GGA2: variants seen among roughly 807,000 people sequenced by gnomAD.
GGA2 encodes the protein ADP-ribosylation factor-binding protein GGA2.
In GGA2, 48 loss-of-function variants were observed where a neutral mutation model predicts 79.5. The observed-to-expected ratio is 0.60, with a 90% CI of 0.48 to 0.77. The LOEUF (loss-of-function observed/expected upper bound fraction) is 0.77. Among genes scored for constraint, GGA2 ranks in the 30% least tolerant of loss-of-function variants. The pLI, the probability that GGA2 is intolerant of heterozygous loss-of-function variation, is 0.00. For synonymous variants in GGA2, 317 were observed against 302.0 expected (o/e 1.05, Z -0.51); for missense variants, 770 against 774.0 (o/e 0.99, Z 0.06).
chr16:23,484,511 G>T (rs1248924964), intron 8 of GGA2, among the ~76,000 whole-genome samples: 1 of 152,098 alleles, frequency 6.6e-6, no homozygotes. Flanking sequence ...GTCTGATAAG[G>T]AACCTGTATC....
At chr16:23,515,918 C>A (rs533901064) in intron 2 of GGA2, among the ~76,000 whole-genome samples, 73 of 152,054 alleles carry the variant, frequency 4.8e-4, no homozygotes, top group Non-Finnish European at 9.1e-4. Context: ...AGGTCACTTG[C>A]AGCCTCCAAC....
chr16:23,497,802 C>G (rs1047940476), intron 1 of GGA2, among the ~76,000 whole-genome samples: 1 of 152,180 alleles, frequency 6.6e-6, no homozygotes, highest in Non-Finnish European at 1.5e-5. Context: ...GTCACATGTA[C>G]TTGGACTCGC....
At chr16:23,492,938 G>C (rs1029677085) in intron 4 of GGA2, among the ~76,000 whole-genome samples, 1 of 152,198 alleles carries the variant, frequency 6.6e-6, no homozygotes, top group African/African-American at 2.4e-5. Context: ...GCACTGTTGT[G>C]GGAACACAAC....
chr16:23,482,845 G>T, intron 9 of GGA2, 78 bp downstream of exon 9: 1 of 886,332 alleles, frequency 1.1e-6, no homozygotes, highest in Non-Finnish European at 1.9e-6. Flanking sequence ...TCTTGTTCCT[G>T]GCACAGCAGT....
chr16:23,471,243 C>A (rs1039138228), intron 14 of GGA2, among the ~76,000 whole-genome samples: 3 of 152,062 alleles, frequency 2.0e-5, no homozygotes, highest in Non-Finnish European at 4.4e-5. Context: ...CAATATACCA[C>A]CTTATATTTA....
At chr16:23,509,857 A>C (rs1010898858) in intron 1 of GGA2, among the ~76,000 whole-genome samples, 2 of 151,804 alleles carry the variant, frequency 1.3e-5, no homozygotes, top group African/African-American at 4.8e-5. Flanking sequence ...GTAGCCAGAT[A>C]GAGATCTTTC....
chr16:23,501,857 G>A (rs1964925325), intron 1 of GGA2, among the ~76,000 whole-genome samples: 1 of 152,160 alleles, frequency 6.6e-6, no homozygotes, highest in African/African-American at 2.4e-5. Context: ...TGGGTGCCAG[G>A]TGCTTTCTGC....
At chr16:23,475,900 A>G (rs983529909) in intron 13 of GGA2, among the ~76,000 whole-genome samples, 1 of 151,848 alleles carries the variant, frequency 6.6e-6, no homozygotes, top group Non-Finnish European at 1.5e-5. Flanking sequence ...ACTGCACTCC[A>G]GCCTGGGCAA....
chr16:23,470,229 G>C (rs1034758293), intron 14 of GGA2, 64 bp from the exon 15 acceptor site: 1 of 1,275,022 alleles, frequency 7.8e-7, no homozygotes, highest in Non-Finnish European at 1.1e-6. Flanking sequence ...AGCCAGGCTG[G>C]AAAGAGATGT....
At position 23,491,718 on chromosome 16, in the gene GGA2, T is replaced by C; in HGVS notation, c.434A>G (p.Asp145Gly). The stretch of plus-strand genomic sequence containing the variant: ...CTGATAAGCGTCTCGAATCTTGATG[T>C]CTTCCGGAAACCAGACTGTCCAACT... ...LFSWTVWFPE[D>G]IKIRDAYQML... Residue 145 changes from aspartate (D) to glycine (G), a missense_variant, in exon 5 of 17, where the codon GAC becomes GGC. Asp to Gly is a moderately conservative substitution (Grantham distance 94, BLOSUM62 -1). Transcript: ENST00000309859. The C allele has an allele frequency of 2.5e-6, 4 of 1,613,052 alleles. No individual in the cohort carries two copies. Among genetic ancestry groups the C allele is most frequent in the Non-Finnish European group, 3.4e-6 (4 of 1,179,016 alleles).
intron 6 of GGA2, 25 bp downstream of exon 6, chr16:23,488,581 A>T: frequency 7.7e-7 from 1 of 1,297,934 alleles, no homozygotes; most frequent in East Asian, 2.3e-5. Flanking sequence ...GTCTGATCAG[A>T]CACCATGTAG....
intron 8 of GGA2, 31 bp downstream of exon 8, chr16:23,485,982 CAT>C: frequency 6.2e-7 from 1 of 1,600,136 alleles, no homozygotes; most frequent in East Asian, 2.2e-5. Context: ...CTTTAGTAAA[CAT>C]GTGCAGCCCC....
Position 23,478,870 on chromosome 16 carries a change from A to G in GGA2, c.1158+13T>C, listed in dbSNP as rs780604866. 1 of 1,592,722 alleles carries G rather than the reference A, an allele frequency of 6.3e-7. No homozygotes were observed. Among genetic ancestry groups the G allele is most frequent in the East Asian group, 2.2e-5 (1 of 44,778 alleles). On this transcript the variant is annotated intron_variant, in intron 12 of 16. Transcript: ENST00000309859. ...CCCATTCTCTCTCCGGGCCCTGGGAAGGGCATCCTTACCATGCCTGTAACA... is the reference window on the plus strand; with the variant it reads ...CCCATTCTCTCTCCGGGCCCTGGGAGGGGCATCCTTACCATGCCTGTAACA...
chr16:23,494,306 T>C lies in GGA2; in HGVS notation c.249A>G (p.Leu83=), dbSNP rs1964827031. The C allele has an allele frequency of 1.2e-6, 2 of 1,604,146 alleles. No homozygotes were observed. Among genetic ancestry groups the C allele is most frequent in the Non-Finnish European group, 1.7e-6 (2 of 1,170,998 alleles). Reference sequence around the variant, plus strand: ...CTACAAGGCAAGCCAAACTCACCGTTAAGGCATAAAGAGCTTCCTTCTCTT... The same window carrying C: ...CTACAAGGCAAGCCAAACTCACCGTCAAGGCATAAAGAGCTTCCTTCTCTT... ...SPQEKEALYA[L]TVLEMCMNHC... is the part of the protein sequence containing the mutation. Residue 83 remains leucine, a synonymous_variant, in exon 3 of 17, where the codon TTA becomes TTG. Coordinates refer to ENST00000309859, the MANE Select transcript of GGA2 (RefSeq NM_015044.4).
chr16:23,518,144 C>T (rs1965114751), intron 2 of GGA2, among the ~76,000 whole-genome samples: 1 of 151,784 alleles, frequency 6.6e-6, no homozygotes, highest in South Asian at 2.1e-4. Context: ...AACTCCTGAC[C>T]TCATGATCCA....
intron 1 of GGA2, among the ~76,000 whole-genome samples, chr16:23,496,190 C>G (rs1964853258): frequency 6.6e-6 from 1 of 150,468 alleles, no homozygotes; most frequent in East Asian, 2.0e-4. Context: ...GTAATCCCAG[C>G]TACTTGGGAG....
At chr16:23,522,878 G>GGACC (rs1567375832), upstream of GGA2, 1 of 152,184 alleles carries the variant, frequency 6.6e-6, no homozygotes, top group Non-Finnish European at 1.5e-5. Flanking sequence ...TGGAATTGAA[G>GGACC]GACCAGCTTT....
upstream of GGA2, among the ~76,000 whole-genome samples, chr16:23,510,946 TGTTA>T (rs1273291781): frequency 9.6e-6 from 1 of 104,692 alleles, no homozygotes; most frequent in East Asian, 2.7e-4. Context: ...TGTGTGTGTG[TGTTA>T]GAGACTGGGT....
At chr16:23,507,006 T>C (rs2142144504) in intron 1 of GGA2, among the ~76,000 whole-genome samples, 1 of 152,218 alleles carries the variant, frequency 6.6e-6, no homozygotes, top group East Asian at 1.9e-4. Context: ...AACATCAACA[T>C]GAAGAGGGGC....
Sources: gnomAD v4.1 joint callset for allele counts (sites outside exome capture counted in the v4.1 genomes callset) on GRCh38, gnomAD v4.1.1 for gene constraint, MANE v1.5 for transcripts, NCBI Gene and HGNC (gene_info 2026-07-23, HGNC 2026-07-21) for gene names.